Variants in CASD1 observed in about 807,000 individuals in gnomAD.
CASD1 encodes N-acetylneuraminate (7)9-O-acetyltransferase.
In CASD1, 41 loss-of-function variants were observed where a neutral mutation model predicts 100.0. That is an observed-to-expected ratio of 0.41 (90% CI 0.32 to 0.53). CASD1 has a LOEUF of 0.53. CASD1 is among the 20% of genes least tolerant of loss of function. The probability of loss-of-function intolerance (pLI) is 0.25; values close to 1 mark genes in which losing one functional copy is unlikely to be tolerated. For synonymous variants in CASD1, 321 were observed against 315.6 expected, an observed-to-expected ratio of 1.02 and a Z score of -0.18; for missense variants, 774 against 948.7, an observed-to-expected ratio of 0.82 and a Z score of 2.42.
At chr7:94,614,291 G>T in the CASD1 span, among the ~76,000 whole-genome samples, 1 of 151,672 alleles carries the variant, frequency 6.6e-6, no homozygotes, top group African/African-American at 2.4e-5. Context: ...GATGCTATTG[G>T]GTCCCCTAAA....
intron 16 of CASD1, chr7:94,554,041 G>C (rs775780827): frequency 1.3e-5 from 2 of 153,306 alleles, no homozygotes; most frequent in African/African-American, 4.8e-5. Context: ...GCCATTTCCC[G>C]TACTATCATG....
chr7:94,513,231 A>G (rs1308111117), intron 1 of CASD1, among the ~76,000 whole-genome samples: 1 of 147,050 alleles, frequency 6.8e-6, no homozygotes, highest in African/African-American at 2.6e-5. Flanking sequence ...AGGCTGAGGC[A>G]GGGAGAATCA....
Position 94,523,372 on chromosome 7 carries a change from C to T in CASD1, c.352-3790C>T, listed in dbSNP as rs556242899. Among the ~76,000 whole-genome samples, 27 of 152,200 alleles carry T rather than the reference C, an allele frequency of 1.8e-4. No individual in the cohort carries two copies. The South Asian group carries it at 5.4e-3, about 30-fold the overall frequency. ...AGATGTACATACAAAAATTGTGATACCTCAACAAAGCTGTTAAAAATTAAC... is the reference window on the plus strand; with the variant it reads ...AGATGTACATACAAAAATTGTGATATCTCAACAAAGCTGTTAAAAATTAAC... On this transcript the variant is annotated intron_variant, in intron 3 of 17. Transcript: ENST00000297273.
intron 7 of CASD1, 146 bp downstream of exon 7, chr7:94,533,948 A>G (rs1170677802): frequency 4.4e-6 from 3 of 674,878 alleles, no homozygotes; most frequent in Non-Finnish European, 6.8e-6. Context: ...CACTTGAGTT[A>G]TTTGCTCTCC....
At chr7:94,605,988 C>T in the CASD1 span, among the ~76,000 whole-genome samples, 2 of 152,014 alleles carry the variant, frequency 1.3e-5, no homozygotes, top group Non-Finnish European at 2.9e-5. Flanking sequence ...GCCACCACAC[C>T]CAGCTAATTT....
intron 3 of CASD1, among the ~76,000 whole-genome samples, chr7:94,519,625 T>C (rs1056000463): frequency 1.3e-5 from 2 of 152,176 alleles, no homozygotes; most frequent in African/African-American, 2.4e-5. Flanking sequence ...CATGAAATTA[T>C]TACAATTTAA....
At chr7:94,513,238 A>G (rs1015114327) in intron 1 of CASD1, among the ~76,000 whole-genome samples, 2 of 150,648 alleles carry the variant, frequency 1.3e-5, no homozygotes, top group Admixed American at 6.6e-5. Flanking sequence ...GGCAGGGAGA[A>G]TCACTTGAAC....
intron 5 of CASD1, 69 bp from the exon 6 acceptor site, chr7:94,533,136 A>T: frequency 9.0e-7 from 1 of 1,107,782 alleles, no homozygotes; most frequent in Non-Finnish European, 1.3e-6. Context: ...GAAAAAAATT[A>T]AATGATGTTA....
chr7:94,577,893 C>T, the CASD1 span, among the ~76,000 whole-genome samples: 1 of 152,154 alleles, frequency 6.6e-6, no homozygotes, highest in Non-Finnish European at 1.5e-5. Context: ...CAATTCTCTT[C>T]ATTAGAGGCT....
At chr7:94,596,158 C>A in the CASD1 span, among the ~76,000 whole-genome samples, 1 of 152,040 alleles carries the variant, frequency 6.6e-6, no homozygotes, top group South Asian at 2.1e-4. Flanking sequence ...TCTGATCAAC[C>A]TAATGACAGT....
the CASD1 span, among the ~76,000 whole-genome samples, chr7:94,577,181 T>C: frequency 6.6e-6 from 1 of 152,214 alleles, no homozygotes. Flanking sequence ...TTATTTCCTA[T>C]GTATGGACCA....
At position 94,546,996 on chromosome 7, in the gene CASD1, T is replaced by G. The variant is rs1795712704; in HGVS notation, c.1634-100T>G. 6 of 648,576 alleles carry G rather than the reference T, an allele frequency of 9.3e-6. No individual in the cohort carries two copies. The South Asian group carries it at 1.3e-4, about 14-fold the overall frequency. The allele number at this position is 648,576 out of a possible 1,614,324, so 40.2% of individuals were successfully genotyped here. ...TTCTTGTAAGCATTCTTATATTATT[T>G]TAAGAACTATTCAGCATGTACATAT... On this transcript the variant is annotated intron_variant, in intron 12 of 17. Coordinates refer to ENST00000297273, the MANE Select transcript of CASD1 (RefSeq NM_022900.5).
chr7:94,527,281 AT>A, intron 4 of CASD1, 75 bp downstream of exon 4: 1 of 1,058,986 alleles, frequency 9.4e-7, no homozygotes, highest in South Asian at 1.3e-5. Flanking sequence ...CATACTAAGT[AT>A]ATTTCAATGT....
the CASD1 span, among the ~76,000 whole-genome samples, chr7:94,608,510 T>C: frequency 2.0e-5 from 3 of 152,226 alleles, no homozygotes; most frequent in African/African-American, 7.2e-5. Flanking sequence ...AAATTAATTA[T>C]AGATTCAATG....
the CASD1 span, chr7:94,589,172 A>T: frequency 3.2e-5 from 6 of 189,236 alleles, no homozygotes; most frequent in African/African-American, 1.4e-4. Context: ...TTCATTCACT[A>T]TCCCAAACAT....
intron 1 of CASD1, among the ~76,000 whole-genome samples, chr7:94,514,507 T>C (rs1018106589): frequency 3.3e-5 from 5 of 152,202 alleles, no homozygotes; most frequent in Admixed American, 6.5e-5. Flanking sequence ...AGAGATATTC[T>C]CTTCAAAGGA....
chr7:94,553,716 G>A (rs1401268895), intron 16 of CASD1: 1 of 151,880 alleles, frequency 6.6e-6, no homozygotes, highest in Non-Finnish European at 1.5e-5. Context: ...TTGGATGTGA[G>A]ACAATGATTA....
At chr7:94,517,425 A>G (rs563204986) in intron 1 of CASD1, 135 bp from the exon 2 acceptor site, 123 of 520,170 alleles carry the variant, frequency 2.4e-4, no homozygotes, top group South Asian at 1.3e-3. Flanking sequence ...ATGAGTGGGA[A>G]CTGTGAACCT....
the CASD1 span, among the ~76,000 whole-genome samples, chr7:94,570,145 C>T: frequency 3.3e-5 from 5 of 152,150 alleles, no homozygotes; most frequent in South Asian, 4.1e-4. Context: ...AAGTTTAATC[C>T]ATTTAAAATA....
Sources: gnomAD v4.1 joint callset for allele counts (sites outside exome capture counted in the v4.1 genomes callset) on GRCh38, gnomAD v4.1.1 for gene constraint, MANE v1.5 for transcripts, NCBI Gene and HGNC (gene_info 2026-07-23, HGNC 2026-07-21) for gene names.